The following MESD variants were observed in gnomAD, a reference collection of about 807,000 sequenced individuals.
The protein encoded by MESD is LRP chaperone MESD.
MESD carries 7 observed loss-of-function variants against 12.9 expected under a neutral mutation model. That is an observed-to-expected ratio of 0.54 (90% CI 0.31 to 1.02). The LOEUF (loss-of-function observed/expected upper bound fraction) is 1.02, where lower values mean the gene tolerates loss of function less well. Ranked by LOEUF, MESD falls within the 50% of genes least tolerant of loss-of-function variation. The pLI, the probability that MESD is intolerant of heterozygous loss-of-function variation, is 0.05. For synonymous variants in MESD, 126 were observed against 115.6 expected (o/e 1.09, Z -0.58); for missense variants, 342 against 296.7 (o/e 1.15, Z -1.12).
At chr15:80,987,081 A>G (rs1355748884) in intron 1 of MESD, among the ~76,000 whole-genome samples, 1 of 152,244 alleles carries the variant, frequency 6.6e-6, no homozygotes, top group Non-Finnish European at 1.5e-5. Context: ...CCTGGCTATC[A>G]TAATGTAAAA....
intron 3 of MESD, chr15:80,952,335 T>C: frequency 2.5e-6 from 1 of 405,896 alleles, no homozygotes; most frequent in South Asian, 1.8e-5. Flanking sequence ...TTAGAGCAGG[T>C]GAACTGGGAG....
At chr15:80,973,342 G>C (rs944533643), downstream of MESD, among the ~76,000 whole-genome samples, 25 of 152,148 alleles carry the variant, frequency 1.6e-4, no homozygotes, top group African/African-American at 5.1e-4. Flanking sequence ...ATGAAACCTC[G>C]TCTCTCGAGA....
chr15:80,983,134 T>C (rs1902628316), intron 1 of MESD, among the ~76,000 whole-genome samples: 1 of 151,848 alleles, frequency 6.6e-6, no homozygotes, highest in Non-Finnish European at 1.5e-5. Flanking sequence ...TCCTAGCTAC[T>C]CAGGAGGCTG....
At chr15:80,954,567 C>A (rs1049288060) in intron 3 of MESD, among the ~76,000 whole-genome samples, 1 of 152,110 alleles carries the variant, frequency 6.6e-6, no homozygotes, top group Non-Finnish European at 1.5e-5. Context: ...GTCCTCAGGG[C>A]TGGGTTGGGG....
intron 3 of MESD, among the ~76,000 whole-genome samples, chr15:80,965,562 A>G (rs937779555): frequency 3.9e-5 from 6 of 152,252 alleles, no homozygotes; most frequent in Non-Finnish European, 5.9e-5. Flanking sequence ...CCAAATGTCC[A>G]TCAATAATAG....
downstream of MESD, among the ~76,000 whole-genome samples, chr15:80,974,600 T>TA (rs201950219): frequency 0.012 from 1,527 of 132,364 alleles, 24 homozygotes; most frequent in African/African-American, 0.034. Flanking sequence ...GTATCAGAGC[T>TA]AAAAAAAAAA....
Position 80,982,121 on chromosome 15 carries a change from T to C in MESD, c.275A>G (p.Asp92Gly). The C allele has an allele frequency of 6.2e-7, 1 of 1,614,172 alleles. No individual in the cohort carries two copies. The highest frequency in any genetic ancestry group is 8.5e-7 in the Non-Finnish European group (1 of 1,180,032). The part of the protein sequence containing the change: ...PEHKRPSAPV[D>G]FSKIDPSKPE... ...CTTGCTTGGGTCTATCTTTGAGAAG[T>C]CGACAGGTGCTGAAGGTCTCTTGTG... Residue 92 changes from aspartate (D) to glycine (G), a missense_variant, in exon 2 of 3, where the codon GAC becomes GGC. Asp to Gly is a moderately conservative substitution (Grantham distance 94, BLOSUM62 -1). Coordinates refer to ENST00000261758, the MANE Select transcript of MESD (RefSeq NM_015154.3).
chr15:80,989,301 T>C (rs966689607), intron 1 of MESD, among the ~76,000 whole-genome samples: 5 of 152,010 alleles, frequency 3.3e-5, no homozygotes, highest in African/African-American at 1.2e-4. Context: ...AGAGCAAAGC[T>C]GAACAGTGAG....
rs374820856 is a variant in MESD, at chr15:80,948,759, T to C, written c.*766A>G. The C allele has an allele frequency of 3.1e-6, 5 of 1,613,624 alleles. No homozygotes were observed. The African/African-American group carries it at 5.3e-5, about 17-fold the overall frequency. ...ACGGGGTGGGGCAGCCGTCCTCTCA[T>C]AGGGCTTTTGCTCAGGAGACTCATC... On this transcript the variant is annotated 3_prime_UTR_variant, in exon 5 of 5. Coordinates refer to the MESD transcript ENST00000561312.
chr15:80,989,659 T>G lies in MESD; in HGVS notation c.133A>C (p.Thr45Pro), dbSNP rs536255319. The G allele has an allele frequency of 1.9e-6, 3 of 1,613,432 alleles. No homozygotes were observed. Among genetic ancestry groups the G allele is most frequent in the African/African-American group, 2.7e-5 (2 of 74,844 alleles). ...EGSPGTPDESTPPPRKKKKDI... is the reference protein window; with the variant it reads ...EGSPGTPDESPPPPRKKKKDI... ...TTCTTCTTCTTCCGGGGAGGTGGGG[T>G]AGACTCGTCGGGCGTCCCGGGCGAG... The change falls in exon 1 of 3, where the codon ACC (threonine) becomes CCC (proline). Residue 45 changes from threonine to proline, a missense_variant. Transcript: ENST00000261758.
At chr15:80,957,005 T>G (rs938990485) in intron 3 of MESD, among the ~76,000 whole-genome samples, 3 of 152,040 alleles carry the variant, frequency 2.0e-5, no homozygotes, top group African/African-American at 7.3e-5. Context: ...TTTATTTTTT[T>G]GTAGAGATGG....
chr15:80,981,875 T>C (rs943795301), intron 2 of MESD, 75 bp downstream of exon 2: 8 of 1,066,510 alleles, frequency 7.5e-6, no homozygotes, highest in Non-Finnish European at 1.1e-5. Flanking sequence ...ATCATCATCA[T>C]CATAATTAAT....
At chr15:80,989,518 G>A in intron 1 of MESD, 61 bp downstream of exon 1, 2 of 1,541,320 alleles carry the variant, frequency 1.3e-6, no homozygotes, top group South Asian at 1.2e-5. Flanking sequence ...ACAGGTAAGG[G>A]GTCATAGGGA....
chr15:80,974,637 C>T (rs1467454220), downstream of MESD, among the ~76,000 whole-genome samples: 1 of 139,098 alleles, frequency 7.2e-6, no homozygotes, highest in Non-Finnish European at 1.6e-5. Context: ...CAATACAAAA[C>T]TAAAGTTAAC....
intron 3 of MESD, among the ~76,000 whole-genome samples, chr15:80,958,781 G>A (rs949569446): frequency 2.6e-5 from 4 of 152,210 alleles, no homozygotes; most frequent in Non-Finnish European, 5.9e-5. Flanking sequence ...CAGGTTGGGA[G>A]CAGGATTGTC....
chr15:80,948,545 C>T, exon 5 of MESD: 2 of 544,186 alleles, frequency 3.7e-6, no homozygotes, highest in African/African-American at 1.9e-5. Context: ...GCATGGCTCC[C>T]CTGTCTACAA....
chr15:80,983,687 G>A (rs1041203196), intron 1 of MESD, among the ~76,000 whole-genome samples: 2 of 152,066 alleles, frequency 1.3e-5, no homozygotes, highest in Non-Finnish European at 2.9e-5. Context: ...GAATAATCCC[G>A]CATCACAAAG....
intron 1 of MESD, among the ~76,000 whole-genome samples, chr15:80,985,777 G>A (rs1902715244): frequency 6.6e-6 from 1 of 150,746 alleles, no homozygotes; most frequent in Non-Finnish European, 1.5e-5. Flanking sequence ...CCAGCCTCCA[G>A]AGTAGCTGGG....
At chr15:80,947,808 G>T (rs1204016041) in exon 5 of MESD, 2 of 152,384 alleles carry the variant, frequency 1.3e-5, no homozygotes, top group African/African-American at 4.8e-5. Flanking sequence ...AACCTGTGCA[G>T]CAGGTACTAT....
Sources: allele counts gnomAD v4.1 joint callset (sites outside exome capture counted in the v4.1 genomes callset), GRCh38; gene constraint gnomAD v4.1.1; transcripts MANE v1.5; gene names NCBI Gene and HGNC (gene_info 2026-07-23, HGNC 2026-07-21).